Variants in LSM14A observed in about 807,000 individuals in gnomAD.
LSM14A encodes the protein protein LSM14 homolog A.
In LSM14A, 14 loss-of-function variants were observed where a neutral mutation model predicts 52.4. The ratio of observed to expected loss-of-function variants is 0.27; its 90% CI spans 0.18 to 0.42. LSM14A has a LOEUF of 0.42. Ranked by LOEUF, LSM14A falls within the 10% of genes least tolerant of loss-of-function variation. LSM14A has a pLI of 1.00. For synonymous variants in LSM14A, 185 were observed against 200.3 expected (o/e 0.92, Z 0.64); for missense variants, 417 against 581.8 (o/e 0.72, Z 2.91).
intron 2 of LSM14A, among the ~76,000 whole-genome samples, chr19:34,196,398 G>C (rs114541122): frequency 6.6e-6 from 1 of 152,054 alleles, no homozygotes; most frequent in Non-Finnish European, 1.5e-5. Flanking sequence ...CAAATGGGGA[G>C]TTTATTGTAG....
chr19:34,215,993 C>T (rs187354743), intron 6 of LSM14A, among the ~76,000 whole-genome samples: 1 of 152,178 alleles, frequency 6.6e-6, no homozygotes, highest in African/African-American at 2.4e-5. Flanking sequence ...GATAATGTAC[C>T]ATAATTATAT....
intron 1 of LSM14A, among the ~76,000 whole-genome samples, chr19:34,189,193 A>C (rs947442538): frequency 2.6e-5 from 4 of 152,238 alleles, no homozygotes; most frequent in African/African-American, 9.6e-5. Flanking sequence ...ATCAGTATCT[A>C]TTCAGCTACA....
chr19:34,200,922 T>G (rs776327554), intron 3 of LSM14A, among the ~76,000 whole-genome samples: 3 of 152,220 alleles, frequency 2.0e-5, no homozygotes, highest in Non-Finnish European at 4.4e-5. Flanking sequence ...ATCATTATAC[T>G]TCTTATGTTA....
At chr19:34,198,264 A>G (rs1456215683) in intron 3 of LSM14A, among the ~76,000 whole-genome samples, 1 of 152,114 alleles carries the variant, frequency 6.6e-6, no homozygotes, top group African/African-American at 2.4e-5. Context: ...ATGTGACTTA[A>G]GTATTTAAAT....
chr19:34,198,580 C>T (rs2071044937), intron 3 of LSM14A, among the ~76,000 whole-genome samples: 1 of 152,122 alleles, frequency 6.6e-6, no homozygotes, highest in Non-Finnish European at 1.5e-5. Flanking sequence ...CGTGCCATTG[C>T]ACTCCAGTCT....
chr19:34,201,847 G>T (rs1162986410), intron 3 of LSM14A, among the ~76,000 whole-genome samples: 5 of 151,884 alleles, frequency 3.3e-5, no homozygotes, highest in Admixed American at 2.6e-4. Context: ...TTTGAGACAG[G>T]GTCTCTTTCT....
At chr19:34,193,026 G>C (rs1599676932) in intron 1 of LSM14A, among the ~76,000 whole-genome samples, 1 of 152,002 alleles carries the variant, frequency 6.6e-6, no homozygotes, top group African/African-American at 2.4e-5. Flanking sequence ...ACTTCCTTTA[G>C]GGTACTCTTT....
At chr19:34,221,980 C>A in intron 9 of LSM14A, 1 of 424,742 alleles carries the variant, frequency 2.4e-6, no homozygotes, top group Non-Finnish European at 3.2e-6. Flanking sequence ...CCCAAAGAGT[C>A]TATCTAGGAA....
At chr19:34,220,164 C>T (rs965394654) in intron 8 of LSM14A, among the ~76,000 whole-genome samples, 2 of 152,042 alleles carry the variant, frequency 1.3e-5, no homozygotes, top group African/African-American at 2.4e-5. Flanking sequence ...AGATGGGGGT[C>T]TCGCTATGTT....
intron 3 of LSM14A, among the ~76,000 whole-genome samples, chr19:34,200,485 G>C (rs1261813096): frequency 2.0e-5 from 3 of 151,972 alleles, no homozygotes; most frequent in African/African-American, 7.3e-5. Context: ...TGGTTTTGAA[G>C]TATTTAAAAG....
At chr19:34,176,934 C>T (rs942955714) in intron 1 of LSM14A, among the ~76,000 whole-genome samples, 6 of 152,262 alleles carry the variant, frequency 3.9e-5, no homozygotes, top group East Asian at 1.9e-4. Flanking sequence ...TACCAACAAC[C>T]GTACGTGGTA....
At chr19:34,197,431 C>CTTTTTTTTTTTTT (rs531343486) in intron 3 of LSM14A, among the ~76,000 whole-genome samples, 1 of 63,302 alleles carries the variant, frequency 1.6e-5, no homozygotes, top group Non-Finnish European at 2.8e-5. Flanking sequence ...ATTTCTTTTT[C>CTTTTTTTTTTTTT]TTTTTTTTTT....
At chr19:34,196,817 C>A in intron 3 of LSM14A, 54 bp downstream of exon 3, 1 of 1,481,322 alleles carries the variant, frequency 6.8e-7, no homozygotes, top group Non-Finnish European at 9.2e-7. Context: ...CTTTCTTTAC[C>A]ACAAAGGTAT....
chr19:34,202,509 AT>A (rs1344309359), intron 3 of LSM14A, among the ~76,000 whole-genome samples: 6 of 151,738 alleles, frequency 4.0e-5, no homozygotes, highest in Non-Finnish European at 7.4e-5. Flanking sequence ...AAAAAAAAAA[AT>A]CTTGCTTATA....
At chr19:34,216,412 CA>C (rs561861445) in intron 6 of LSM14A, among the ~76,000 whole-genome samples, 8,452 of 135,834 alleles carry the variant, frequency 0.062, 396 homozygotes, top group Admixed American at 0.17. Context: ...GACTCTGTCT[CA>C]AAAAAAAAAA....
intron 6 of LSM14A, among the ~76,000 whole-genome samples, chr19:34,218,688 ATAAAT>A (rs1382117760): frequency 6.6e-6 from 1 of 152,116 alleles, no homozygotes; most frequent in East Asian, 1.9e-4. Context: ...GTTTTTCACT[ATAAAT>A]TATGCTGCTT....
In LSM14A at chr19:34,192,319, G is replaced by GTTTTTTTTTTTTTTTTTT. The variant is rs71165632; in HGVS notation, c.122-2153_122-2136dup. 1.2e-3 allele frequency among the ~76,000 whole-genome samples: 62 copies of GTTTTTTTTTTTTTTTTTT among 53,392 alleles called. 6 individuals carry two copies. Among genetic ancestry groups the GTTTTTTTTTTTTTTTTTT allele is most frequent in the African/African-American group, 2.4e-3 (30 of 12,350 alleles). The allele number at this position is 53,392 out of a possible 152,430, so 35.0% of individuals were successfully genotyped here. ...ACACTGAAATAACATTCTTTTTGTT[G>GTTTTTTTTTTTTTTTTTT]TTTTTTTTTTTTTTTTTTTTTTTGG... On this transcript the variant is annotated intron_variant, in intron 1 of 9. Transcript: ENST00000544216.
Position 34,192,316 on chromosome 19 carries a change from GTT to G in LSM14A, c.122-2161_122-2160del, listed in dbSNP as rs1428909666. Among the ~76,000 whole-genome samples, 91 of 65,782 alleles carry G rather than the reference GTT, an allele frequency of 1.4e-3. 1 individual carries two copies. Among genetic ancestry groups the G allele is most frequent in the Middle Eastern group, 0.017 (2 of 118 alleles). The allele number at this position is 65,782 out of a possible 152,430, so 43.2% of individuals were successfully genotyped here. On this transcript the variant is annotated intron_variant, in intron 1 of 9. Coordinates refer to ENST00000544216, the MANE Select transcript of LSM14A (RefSeq NM_015578.4). ...TTTACACTGAAATAACATTCTTTTT[GTT>G]GTTTTTTTTTTTTTTTTTTTTTTTG...
Position 34,211,297 on chromosome 19 carries a change from TA to T in LSM14A, c.538+2260del, listed in dbSNP as rs545445559. 1.1e-3 allele frequency among the ~76,000 whole-genome samples: 153 copies of T among 141,490 alleles called. 1 individual carries two copies. Among genetic ancestry groups the T allele is most frequent in the Admixed American group, 2.3e-3 (33 of 14,208 alleles). 92.8% of individuals were successfully genotyped at this position (141,490 alleles called of 152,430 possible). On this transcript the variant is annotated intron_variant, in intron 4 of 9. Transcript: ENST00000544216. Reference sequence around the variant, plus strand: ...TGGGCGACAGAGCGAGACTCCATCTTAAAAAAAAAAAAAATTTAATAGTCCT... The same window carrying T: ...TGGGCGACAGAGCGAGACTCCATCTTAAAAAAAAAAAAATTTAATAGTCCT...
Sources: allele counts gnomAD v4.1 joint callset (sites outside exome capture counted in the v4.1 genomes callset), GRCh38; gene constraint gnomAD v4.1.1; transcripts MANE v1.5; gene names NCBI Gene and HGNC (gene_info 2026-07-23, HGNC 2026-07-21).